Variants in NT5DC1 observed in about 807,000 individuals in gnomAD.
NT5DC1 encodes 5'-nucleotidase domain containing 1, also known as 5'-nucleotidase domain-containing protein 1.
NT5DC1 carries 42 observed loss-of-function variants against 59.4 expected under a neutral mutation model. That is an observed-to-expected ratio of 0.71 (90% CI 0.55 to 0.92). The LOEUF (loss-of-function observed/expected upper bound fraction) is 0.92, where lower values mean the gene tolerates loss of function less well. Ranked by LOEUF, NT5DC1 falls within the 40% of genes least tolerant of loss-of-function variation. The pLI, the probability that NT5DC1 is intolerant of heterozygous loss-of-function variation, is 0.00. For missense variants in NT5DC1, 501 were observed against 537.1 expected, an observed-to-expected ratio of 0.93 and a Z score of 0.66; for synonymous variants, 172 against 188.1, an observed-to-expected ratio of 0.91 and a Z score of 0.70.
chr6:116,126,036 A>G (rs1275317581), intron 6 of NT5DC1: 1 of 157,066 alleles, frequency 6.4e-6, no homozygotes, highest in East Asian at 1.9e-4. Context: ...GAAGTCCACC[A>G]GTAAGCGTAC....
intron 8 of NT5DC1, among the ~76,000 whole-genome samples, chr6:116,226,766 T>C (rs1367087532): frequency 6.6e-6 from 1 of 152,106 alleles, no homozygotes; most frequent in Non-Finnish European, 1.5e-5. Flanking sequence ...ATATACCATT[T>C]TAAAAAATTG....
intron 6 of NT5DC1, among the ~76,000 whole-genome samples, chr6:116,122,129 T>A (rs903606775): frequency 4.6e-5 from 7 of 152,226 alleles, no homozygotes; most frequent in African/African-American, 1.7e-4. Flanking sequence ...TATACTGTTT[T>A]AAAAAATTCT....
chr6:116,115,205 C>T (rs1479427633), intron 4 of NT5DC1, among the ~76,000 whole-genome samples: 2 of 147,600 alleles, frequency 1.4e-5, no homozygotes, highest in African/African-American at 2.6e-5. Flanking sequence ...TTCTACTTAT[C>T]ACCCCAGTTT....
intron 6 of NT5DC1, among the ~76,000 whole-genome samples, chr6:116,138,840 G>A (rs982513266): frequency 6.6e-6 from 1 of 152,100 alleles, no homozygotes; most frequent in Non-Finnish European, 1.5e-5. Context: ...ATGATATTGA[G>A]AGAGTAAGAA....
chr6:116,141,819 G>A (rs1190953161), intron 6 of NT5DC1, among the ~76,000 whole-genome samples: 2 of 144,884 alleles, frequency 1.4e-5, no homozygotes, highest in Admixed American at 1.4e-4. Context: ...ATTATGATAA[G>A]CATTTAATTA....
chr6:116,238,243 T>G lies in NT5DC1; in HGVS notation c.978T>G (p.Ser326Arg), dbSNP rs137934092. 3,254 of 1,612,264 alleles carry G rather than the reference T, an allele frequency of 2.0e-3. 13 individuals carry two copies. The highest frequency in any genetic ancestry group is 2.2e-3 in the Non-Finnish European group (2,592 of 1,178,712). Residue 326 changes from serine to arginine, a missense_variant, in exon 10 of 12, where the codon AGT becomes AGG. Transcript: ENST00000319550. ...ATATTTTCCCAGCTCGTCACTATAG[T>G]AATTGGGAGACAGTCCTCATCCTGG... ...HSDIFPARHY[S>R]NWETVLILEE...
intron 6 of NT5DC1, among the ~76,000 whole-genome samples, chr6:116,184,828 C>A (rs900447499): frequency 6.6e-6 from 1 of 152,020 alleles, no homozygotes; most frequent in Non-Finnish European, 1.5e-5. Context: ...TTTCAAAAAA[C>A]CAGCTTTTTG....
chr6:116,145,661 A>G (rs755063388), intron 6 of NT5DC1, among the ~76,000 whole-genome samples: 1 of 152,216 alleles, frequency 6.6e-6, no homozygotes, highest in African/African-American at 2.4e-5. Context: ...TCTTTAAAGT[A>G]TCCCCAGTGA....
At chr6:116,167,206 ATTTTTTTTTTTT>A (rs61348980) in intron 6 of NT5DC1, among the ~76,000 whole-genome samples, 1 of 87,796 alleles carries the variant, frequency 1.1e-5, no homozygotes, top group East Asian at 2.9e-4. Flanking sequence ...CAAATAGAAG[ATTTTTTTTTTTT>A]TTTTTTTTTT....
At chr6:116,217,605 T>C (rs1781711158) in intron 6 of NT5DC1, among the ~76,000 whole-genome samples, 1 of 152,138 alleles carries the variant, frequency 6.6e-6, no homozygotes, top group African/African-American at 2.4e-5. Flanking sequence ...TAGGCTGCCT[T>C]AATCATACAT....
At chr6:116,229,082 A>T (rs1394287008) in intron 8 of NT5DC1, among the ~76,000 whole-genome samples, 1 of 152,148 alleles carries the variant, frequency 6.6e-6, no homozygotes, top group Non-Finnish European at 1.5e-5. Flanking sequence ...AGCTCATTAA[A>T]TCCCCATCCC....
intron 6 of NT5DC1, among the ~76,000 whole-genome samples, chr6:116,177,159 T>C (rs1186274509): frequency 6.6e-6 from 1 of 152,222 alleles, no homozygotes; most frequent in Non-Finnish European, 1.5e-5. Context: ...AAAAATTAAG[T>C]CTTTTGTTAC....
intron 8 of NT5DC1, among the ~76,000 whole-genome samples, chr6:116,231,106 CAAAAAAAAAAA>C (rs34948626): frequency 0.069 from 4,825 of 70,222 alleles, 417 homozygotes; most frequent in African/African-American, 0.24. Flanking sequence ...AACTCCGTCT[CAAAAAAAAAAA>C]AAAAAAAAAG....
At chr6:116,163,420 A>T (rs986278249) in intron 6 of NT5DC1, among the ~76,000 whole-genome samples, 1 of 151,904 alleles carries the variant, frequency 6.6e-6, no homozygotes, top group African/African-American at 2.4e-5. Context: ...AGAGATGTTC[A>T]TAGTAGTTTC....
Position 116,242,482 on chromosome 6 carries a change from CAA to C in NT5DC1, c.1253-1415_1253-1414del, listed in dbSNP as rs778188431. 1.6e-4 allele frequency among the ~76,000 whole-genome samples: 20 copies of C among 122,560 alleles called. 1 individual carries two copies. In the East Asian group the frequency reaches 2.1e-3, roughly 13 times the overall value. 80.4% of individuals were successfully genotyped at this position (122,560 alleles called of 152,430 possible). On this transcript the variant is annotated intron_variant, in intron 11 of 11. Transcript: ENST00000319550. ...GAAATAATACCATGCTAACAGTAAC[CAA>C]AAAAAAAAAAAGAGAGAGAGAGAGT... is the stretch of plus-strand genomic sequence containing the variant.
At chr6:116,242,778 A>G (rs139707815) in intron 11 of NT5DC1, among the ~76,000 whole-genome samples, 2 of 152,302 alleles carry the variant, frequency 1.3e-5, no homozygotes, top group Non-Finnish European at 2.9e-5. Flanking sequence ...TTCCTTCAGC[A>G]TTTGGCAAAG....
At position 116,244,373 on chromosome 6, in the gene NT5DC1, G is replaced by A. The variant is rs1447507623; in HGVS notation, c.*349G>A. On this transcript the variant is annotated 3_prime_UTR_variant, in exon 12 of 12. Transcript: ENST00000319550. ...AGACTAATAGCATAGCATTACCTGA[G>A]AACTTGATAATGCATATTTGCAGGC... 1 of 156,270 alleles carries A rather than the reference G, an allele frequency of 6.4e-6. No homozygotes were observed. The highest frequency in any genetic ancestry group is 1.4e-5 in the Non-Finnish European group (1 of 70,958). 9.7% of individuals were successfully genotyped at this position (156,270 alleles called of 1,614,324 possible).
intron 6 of NT5DC1, among the ~76,000 whole-genome samples, chr6:116,137,878 G>A (rs530067195): frequency 5.9e-5 from 9 of 152,190 alleles, no homozygotes; most frequent in Middle Eastern, 3.4e-3. Flanking sequence ...TCAAGAGTTC[G>A]AGACCAGCCT....
chr6:116,121,754 CCT>C, intron 6 of NT5DC1: 2 of 1,613,880 alleles, frequency 1.2e-6, no homozygotes, highest in South Asian at 1.1e-5. Flanking sequence ...TCCATATGGT[CCT>C]CTCTCTCCTG....
Sources: allele counts gnomAD v4.1 joint callset (sites outside exome capture counted in the v4.1 genomes callset), GRCh38; gene constraint gnomAD v4.1.1; transcripts MANE v1.5; gene names NCBI Gene and HGNC (gene_info 2026-07-23, HGNC 2026-07-21).